SLC20A2: variants seen among roughly 807,000 people sequenced by gnomAD.
SLC20A2 encodes sodium-dependent phosphate transporter 2.
Under a neutral mutation model 61.0 loss-of-function variants are expected in SLC20A2, and 30 were observed. The ratio of observed to expected loss-of-function variants is 0.49; its 90% CI spans 0.37 to 0.67. SLC20A2 has a LOEUF of 0.67. SLC20A2 is among the 30% of genes least tolerant of loss of function. SLC20A2 has a pLI of 0.00. For synonymous variants in SLC20A2, 351 were observed against 353.3 expected (o/e 0.99, Z 0.07); for missense variants, 626 against 866.4 (o/e 0.72, Z 3.48).
At chr8:42,533,651 G>GTTCTTTTTTTCTTTTTTTTTTTTTTT (rs1380902729) in intron 1 of SLC20A2, among the ~76,000 whole-genome samples, 1 of 89,736 alleles carries the variant, frequency 1.1e-5, no homozygotes, top group Non-Finnish European at 2.1e-5. Context: ...ATGATCAACT[G>GTTCTTTTTTTCTTTTTTTTTTTTTTT]TTCTTTTTTT....
chr8:42,439,602 C>T lies in SLC20A2; in HGVS notation c.782G>A (p.Ser261Asn), dbSNP rs767571308. 1 of 1,614,120 alleles carries T rather than the reference C, an allele frequency of 6.2e-7. No homozygotes were observed. The highest frequency in any genetic ancestry group is 8.5e-7 in the Non-Finnish European group (1 of 1,180,054). ...ALSRVSDESL[S>N]KVQEAESPVF... ...TGGGGACTCTGCTTCCTGAACCTTA[C>T]TGAGGCTTTCGTCAGATACTCGTGA... The change falls in exon 7 of 11, where the codon AGT becomes AAT. Residue 261 changes from serine to asparagine, a missense_variant. Ser to Asn is a conservative substitution (Grantham distance 46, BLOSUM62 1). Transcript: ENST00000520262.
At position 42,471,124 on chromosome 8, in the gene SLC20A2, T is replaced by C. The variant is rs1341872547; in HGVS notation, c.289+978A>G. On this transcript the variant is annotated intron_variant, in intron 2 of 10. Coordinates refer to ENST00000520262, the MANE Select transcript of SLC20A2 (RefSeq NM_001257180.2). Reference sequence around the variant, plus strand: ...ATGTCCTGTTGAAAGCAGAAGGTGGTAGAATTCCTCTCTAACCCTCTTCTC... The same window carrying C: ...ATGTCCTGTTGAAAGCAGAAGGTGGCAGAATTCCTCTCTAACCCTCTTCTC... 4 of 455,818 alleles carry C rather than the reference T, an allele frequency of 8.8e-6. No homozygotes were observed. In the East Asian group the frequency reaches 2.1e-4, roughly 24 times the overall value. 28.2% of individuals were successfully genotyped at this position (455,818 alleles called of 1,614,324 possible).
upstream of SLC20A2, among the ~76,000 whole-genome samples, chr8:42,503,231 CT>C (rs979782282): frequency 5.3e-5 from 8 of 152,178 alleles, no homozygotes; most frequent in South Asian, 6.2e-4. Context: ...AGTGAAACTA[CT>C]TGAGTCAACA....
intron 1 of SLC20A2, among the ~76,000 whole-genome samples, chr8:42,540,303 CAAT>C (rs749705234): frequency 4.3e-4 from 66 of 151,870 alleles, no homozygotes; most frequent in Non-Finnish European, 7.6e-4. Context: ...AAAAACAAAA[CAAT>C]AACAATAATG....
intron 1 of SLC20A2, among the ~76,000 whole-genome samples, chr8:42,507,641 C>T (rs1372166921): frequency 6.6e-6 from 1 of 152,146 alleles, no homozygotes; most frequent in Non-Finnish European, 1.5e-5. Context: ...CAGGAAACTC[C>T]CAAGCATTTG....
chr8:42,513,174 G>C (rs1245988418), intron 1 of SLC20A2, among the ~76,000 whole-genome samples: 1 of 152,190 alleles, frequency 6.6e-6, no homozygotes, highest in Non-Finnish European at 1.5e-5. Context: ...GCCAAGAGAA[G>C]GATTAGACAG....
chr8:42,440,688 A>T (rs892694455), intron 6 of SLC20A2, among the ~76,000 whole-genome samples: 2 of 152,224 alleles, frequency 1.3e-5, no homozygotes, highest in African/African-American at 4.8e-5. Context: ...GAAGCTGCCA[A>T]ACAGTTTCCC....
At chr8:42,540,397 A>T (rs1813023505) in intron 1 of SLC20A2, among the ~76,000 whole-genome samples, 1 of 152,184 alleles carries the variant, frequency 6.6e-6, no homozygotes, top group Non-Finnish European at 1.5e-5. Flanking sequence ...AAGCATGCAC[A>T]CCATTTGGCA....
intron 10 of SLC20A2, among the ~76,000 whole-genome samples, chr8:42,420,648 T>C (rs1802979283): frequency 6.6e-6 from 1 of 152,274 alleles, no homozygotes. Flanking sequence ...TTCCATCCAT[T>C]GCTATCTACT....
At chr8:42,441,142 C>CT (rs112150338) in intron 6 of SLC20A2, among the ~76,000 whole-genome samples, 8,164 of 125,550 alleles carry the variant, frequency 0.065, 857 homozygotes, top group African/African-American at 0.22. Flanking sequence ...ATATTTTGCT[C>CT]TTTTTTTTTT....
chr8:42,489,285 C>G (rs1209645836), intron 1 of SLC20A2, among the ~76,000 whole-genome samples: 1 of 152,052 alleles, frequency 6.6e-6, no homozygotes, highest in Non-Finnish European at 1.5e-5. Flanking sequence ...TGAATATTCT[C>G]TGTTTGATGA....
chr8:42,451,828 TG>T (rs2131100052), intron 5 of SLC20A2, among the ~76,000 whole-genome samples: 1 of 70,930 alleles, frequency 1.4e-5, no homozygotes, highest in African/African-American at 5.8e-5. Context: ...AAGGAAGAGA[TG>T]AGGAGGAGAA....
At chr8:42,438,284 C>T (rs1351680066) in intron 7 of SLC20A2, among the ~76,000 whole-genome samples, 1 of 152,084 alleles carries the variant, frequency 6.6e-6, no homozygotes, top group Non-Finnish European at 1.5e-5. Flanking sequence ...AAACCCACTT[C>T]GTGTGAGGTA....
rs550836565 is a variant in SLC20A2, at chr8:42,474,811, C to T, written c.-264-2157G>A. On this transcript the variant is annotated intron_variant, in intron 1 of 10. Coordinates refer to ENST00000520262, the MANE Select transcript of SLC20A2 (RefSeq NM_001257180.2). ...CTATAAACTGGTGACAAGAACTATG[C>T]AGGCAGGAGACGGTGCCACACAGTG... Among the ~76,000 whole-genome samples the T allele has an allele frequency of 1.7e-3, 258 of 152,080 alleles. 1 individual carries two copies. The highest frequency in any genetic ancestry group is 3.1e-3 in the Non-Finnish European group (209 of 68,018).
intron 7 of SLC20A2, among the ~76,000 whole-genome samples, chr8:42,438,114 A>G (rs1282952485): frequency 6.6e-6 from 1 of 151,120 alleles, no homozygotes; most frequent in Non-Finnish European, 1.5e-5. Context: ...ACAAAAGGGT[A>G]AAACTAATAA....
intron 5 of SLC20A2, among the ~76,000 whole-genome samples, chr8:42,458,608 G>GAAAAAAAAAAAA (rs1245776628): frequency 1.6e-5 from 1 of 64,196 alleles, no homozygotes. Context: ...GGGCAATAAA[G>GAAAAAAAAAAAA]AAAAAAAAAA....
intron 1 of SLC20A2, among the ~76,000 whole-genome samples, chr8:42,539,113 A>C (rs1392099845): frequency 3.9e-5 from 6 of 152,212 alleles, no homozygotes; most frequent in Non-Finnish European, 7.3e-5. Context: ...CCCCAAAGAG[A>C]AAATGCCTTT....
intron 5 of SLC20A2, among the ~76,000 whole-genome samples, chr8:42,451,964 G>C (rs1805720950): frequency 8.1e-6 from 1 of 124,160 alleles, no homozygotes; most frequent in African/African-American, 3.3e-5. Flanking sequence ...AGAGGAGGAG[G>C]AGGAAGAGAT....
intron 5 of SLC20A2, among the ~76,000 whole-genome samples, chr8:42,458,224 A>G (rs1205032928): frequency 6.6e-6 from 1 of 152,194 alleles, no homozygotes; most frequent in African/African-American, 2.4e-5. Context: ...TCTAGCAAAC[A>G]TGTACAGAAA....
Sources: allele counts gnomAD v4.1 joint callset (sites outside exome capture counted in the v4.1 genomes callset), GRCh38; gene constraint gnomAD v4.1.1; transcripts MANE v1.5; gene names NCBI Gene and HGNC (gene_info 2026-07-23, HGNC 2026-07-21).